Variants in CLGN observed in about 807,000 individuals in gnomAD.
CLGN encodes the protein calmegin, also known as testis tissue sperm-binding protein Li 79P.
Under a neutral mutation model 79.1 loss-of-function variants are expected in CLGN, and 62 were observed. That is an observed-to-expected ratio of 0.78 (90% confidence interval 0.64 to 0.97). CLGN has a LOEUF of 0.97. CLGN is among the 50% of genes least tolerant of loss of function. The probability of loss-of-function intolerance (pLI) is 0.00; values close to 1 mark genes in which losing one functional copy is unlikely to be tolerated. For synonymous variants in CLGN, 225 were observed against 224.7 expected (o/e 1.00, Z -0.01); for missense variants, 647 against 715.5 (o/e 0.90, Z 1.09).
rs755140861 is a variant in CLGN, at chr4:140,393,951, C to T, written c.1240G>A (p.Glu414Lys). The change falls in exon 11 of 15, where the codon GAG (glutamate) becomes AAG (lysine). Residue 414 changes from glutamate to lysine, a missense_variant. Transcript: ENST00000325617. ...LLTSFSALGL[E>K]LWSMTSDIYF... ...ATATCAGAGGTCATAGACCAAAGCT[C>T]TAAACCAAGAGCACTGAAAGAAGTC... is the stretch of plus-strand genomic sequence containing the variant. 1 of 1,613,726 alleles carries T rather than the reference C, an allele frequency of 6.2e-7. No individual in the cohort carries two copies. The highest frequency in any genetic ancestry group is 8.5e-7 in the Non-Finnish European group (1 of 1,179,788).
chr4:140,404,194 C>T (rs1322131109), intron 5 of CLGN, among the ~76,000 whole-genome samples: 2 of 151,808 alleles, frequency 1.3e-5, no homozygotes, highest in East Asian at 1.9e-4. Flanking sequence ...CCCGGGTTCA[C>T]GCCATTCTCC....
Position 140,400,382 on chromosome 4 carries a change from G to A in CLGN, c.669C>T (p.Asp223=), listed in dbSNP as rs1728976749. The A allele has an allele frequency of 6.2e-7, 1 of 1,611,244 alleles. No individual in the cohort carries two copies. The highest frequency in any genetic ancestry group is 1.1e-5 in the South Asian group (1 of 90,600). ...PDVDLKKFFT[D]RKTHLYTLVM... is the part of the protein sequence containing the mutation. The stretch of plus-strand genomic sequence containing the variant: ...CAAGGGTATAAAGATGAGTCTTCCT[G>A]TCTGTAAAGAACTTTTTAAGGTCTA... The change falls in exon 7 of 15, where the codon GAC becomes GAT. Residue 223 remains aspartate, a synonymous_variant. Transcript: ENST00000325617.
intron 13 of CLGN, among the ~76,000 whole-genome samples, chr4:140,391,420 C>T (rs926480199): frequency 2.0e-5 from 3 of 151,770 alleles, no homozygotes; most frequent in African/African-American, 7.2e-5. Context: ...GTTACAAAAA[C>T]AAGGCTGGAA....
At chr4:140,424,164 C>G (rs1410307901) in intron 1 of CLGN, among the ~76,000 whole-genome samples, 1 of 152,058 alleles carries the variant, frequency 6.6e-6, no homozygotes, top group Non-Finnish European at 1.5e-5. Flanking sequence ...ATAAATTTCC[C>G]TTTTAACACT....
chr4:140,406,025 T>C lies in CLGN; in HGVS notation c.336A>G (p.Val112=). The C allele has an allele frequency of 6.2e-7, 1 of 1,613,438 alleles. No individual in the cohort carries two copies. Among genetic ancestry groups the C allele is most frequent in the Non-Finnish European group, 8.5e-7 (1 of 1,179,596 alleles). ...CATGATGCTTTGCTCTAGATTTTAA[T>C]ACCAGTCCTCTGTCACCAGGTACCT... ...ENQVPGDRGL[V]LKSRAKHHAI... Residue 112 remains valine, a synonymous_variant, in exon 5 of 15, where the codon GTA becomes GTG. Coordinates refer to ENST00000325617, the MANE Select transcript of CLGN (RefSeq NM_004362.3).
chr4:140,390,416 G>A (rs1185190962), intron 14 of CLGN, among the ~76,000 whole-genome samples: 3 of 151,630 alleles, frequency 2.0e-5, no homozygotes, highest in African/African-American at 7.2e-5. Context: ...CCACAGGCTT[G>A]CTCTATACTG....
chr4:140,392,144 A>T, intron 13 of CLGN, 75 bp downstream of exon 13: 1 of 1,436,114 alleles, frequency 7.0e-7, no homozygotes, highest in Non-Finnish European at 9.5e-7. Context: ...TATAATAACT[A>T]GTTATTTCAA....
intron 1 of CLGN, among the ~76,000 whole-genome samples, chr4:140,420,032 A>T (rs1474055888): frequency 1.3e-5 from 2 of 152,144 alleles, no homozygotes; most frequent in African/African-American, 2.4e-5. Context: ...AACACATAAA[A>T]TAATACTACT....
rs1374881746 is a variant in CLGN at position 140,389,247 on chromosome 4, T to C, written c.1810A>G (p.Lys604Glu). Residue 604 changes from lysine (K) to glutamate (E), a missense_variant, in exon 15 of 15, where the codon AAA becomes GAA. By Grantham distance (56) the Lys-to-Glu change is moderately conservative (BLOSUM62 1). Transcript: ENST00000325617. ...GTTTAGTCCTTTCGTACTCTTCTTT[T>C]GCGTACTGACTTTATCGGCCCATCT... The part of the protein sequence containing the change: ...SGDGPIKSVR[K>E]RRVRKD The C allele has an allele frequency of 6.2e-7, 1 of 1,612,412 alleles. No homozygotes were observed. The highest frequency in any genetic ancestry group is 1.3e-5 in the African/African-American group (1 of 74,874).
At chr4:140,395,330 T>C (rs1045140357) in intron 10 of CLGN, among the ~76,000 whole-genome samples, 1 of 152,012 alleles carries the variant, frequency 6.6e-6, no homozygotes. Flanking sequence ...GTATTTTTAG[T>C]GGAGACAGGG....
rs3805317 is a variant in CLGN at position 140,389,072 on chromosome 4, T to G, written c.*152A>C. ...ACTTCAAAGTTGCTTCTTTTTCCTC[T>G]GAAATGAAGGACTAAAATAAATGTC... On this transcript the variant is annotated 3_prime_UTR_variant, in exon 15 of 15. Transcript: ENST00000325617. The G allele has an allele frequency of 0.11, 70,324 of 616,498 alleles. 4,535 individuals carry two copies. The highest frequency in any genetic ancestry group is 0.2 in the Admixed American group (6,405 of 32,758). The allele number at this position is 616,498 out of a possible 1,614,324, so 38.2% of individuals were successfully genotyped here.
At chr4:140,416,584 A>C (rs1382369375) in intron 1 of CLGN, among the ~76,000 whole-genome samples, 2 of 150,916 alleles carry the variant, frequency 1.3e-5, no homozygotes. Flanking sequence ...CTACACAAAT[A>C]AACTAGAAAA....
At chr4:140,424,888 T>C (rs917322555) in intron 1 of CLGN, among the ~76,000 whole-genome samples, 2 of 152,222 alleles carry the variant, frequency 1.3e-5, no homozygotes, top group Non-Finnish European at 2.9e-5. Context: ...ATGAATGAGA[T>C]ACCATTCTTC....
chr4:140,412,525 C>T (rs1729233357), intron 2 of CLGN, among the ~76,000 whole-genome samples: 1 of 152,054 alleles, frequency 6.6e-6, no homozygotes, highest in Non-Finnish European at 1.5e-5. Flanking sequence ...AATTCATCCT[C>T]CTTCTTAGCA....
intron 11 of CLGN, among the ~76,000 whole-genome samples, chr4:140,393,427 T>C (rs1333896851): frequency 2.0e-5 from 3 of 152,124 alleles, no homozygotes; most frequent in Non-Finnish European, 2.9e-5. Flanking sequence ...AATTTAATAA[T>C]GTTAAACTAT....
chr4:140,395,658 T>C (rs567123490), intron 10 of CLGN, among the ~76,000 whole-genome samples, 161 bp downstream of exon 10: 5 of 152,330 alleles, frequency 3.3e-5, no homozygotes, highest in African/African-American at 1.2e-4. Context: ...AAATAATTGA[T>C]GCTCTACTTT....
At chr4:140,422,651 C>T (rs527560314) in intron 1 of CLGN, among the ~76,000 whole-genome samples, 24 of 152,296 alleles carry the variant, frequency 1.6e-4, no homozygotes, top group Admixed American at 9.8e-4. Context: ...GGATCTCACT[C>T]TGTTACCCAG....
chr4:140,405,839 A>G (rs976178924), intron 5 of CLGN, 103 bp downstream of exon 5: 2 of 1,170,832 alleles, frequency 1.7e-6, no homozygotes, highest in African/African-American at 3.2e-5. Flanking sequence ...ACGAAAAAGG[A>G]AGATCTAGAT....
At chr4:140,416,461 T>C (rs1729334059) in intron 1 of CLGN, among the ~76,000 whole-genome samples, 1 of 150,992 alleles carries the variant, frequency 6.6e-6, no homozygotes, top group African/African-American at 2.4e-5. Flanking sequence ...CTAGCAAGAC[T>C]AATAAAGAAA....
Sources: gnomAD v4.1 joint callset for allele counts (sites outside exome capture counted in the v4.1 genomes callset) on GRCh38, gnomAD v4.1.1 for gene constraint, MANE v1.5 for transcripts, NCBI Gene and HGNC (gene_info 2026-07-23, HGNC 2026-07-21) for gene names.